The following SPATS2L variants were observed in gnomAD, a reference collection of about 807,000 sequenced individuals.
SPATS2L encodes the protein SPATS2-like protein.
SPATS2L carries 30 observed loss-of-function variants against 59.6 expected under a neutral mutation model. That is an observed-to-expected ratio of 0.50 (90% CI 0.38 to 0.68). SPATS2L has a LOEUF of 0.68. Among genes scored for constraint, SPATS2L ranks in the 30% least tolerant of loss-of-function variants. SPATS2L has a pLI of 0.00. For synonymous variants in SPATS2L, 252 were observed against 263.5 expected, an observed-to-expected ratio of 0.96 and a Z score of 0.42; for missense variants, 615 against 700.0, an observed-to-expected ratio of 0.88 and a Z score of 1.37.
At position 200,361,593 on chromosome 2, in the gene SPATS2L, T is replaced by C. The variant is rs77397280; in HGVS notation, c.-22-27630T>C. 4.0e-3 allele frequency among the ~76,000 whole-genome samples: 603 copies of C among 152,344 alleles called. 7 individuals are homozygous for C. The East Asian group carries it at 0.049, about 12-fold the overall frequency. On this transcript the variant is annotated intron_variant, in intron 2 of 12. Transcript: ENST00000409140. ...GCAGTTTAAAATGGTCTTCTTTCCA[T>C]TGTAGAAGGCTCAGTTCATTGCCAT...
At chr2:200,470,073 A>T in intron 11 of SPATS2L, 57 bp downstream of exon 11, 1 of 1,421,244 alleles carries the variant, frequency 7.0e-7, no homozygotes, top group South Asian at 1.3e-5. Context: ...TGCTATTTGG[A>T]GTTGCTATTG....
intron 4 of SPATS2L, among the ~76,000 whole-genome samples, chr2:200,413,918 G>C (rs1300012470): frequency 6.6e-6 from 1 of 152,182 alleles, no homozygotes; most frequent in Non-Finnish European, 1.5e-5. Flanking sequence ...AAATAGTAGA[G>C]AATGCAGTAT....
intron 1 of SPATS2L, among the ~76,000 whole-genome samples, chr2:200,327,336 G>A (rs546141200): frequency 3.0e-4 from 46 of 151,988 alleles, no homozygotes; most frequent in African/African-American, 1.1e-3. Flanking sequence ...CCTGGGAGGC[G>A]GAGGTTGCAG....
At chr2:200,454,201 T>C (rs2085671243) in intron 8 of SPATS2L, among the ~76,000 whole-genome samples, 1 of 152,230 alleles carries the variant, frequency 6.6e-6, no homozygotes, top group South Asian at 2.1e-4. Context: ...ACTCTGGCTG[T>C]TGTTACAGAT....
chr2:200,388,433 G>T (rs975010160), intron 2 of SPATS2L, among the ~76,000 whole-genome samples: 4 of 152,014 alleles, frequency 2.6e-5, no homozygotes, highest in Non-Finnish European at 4.4e-5. Flanking sequence ...TTAGCTGAGT[G>T]TGGTGGTGCA....
chr2:200,479,661 C>G lies in SPATS2L; in HGVS notation c.*1630C>G. The G allele has an allele frequency of 2.5e-6, 1 of 398,656 alleles. No homozygotes were observed. The highest frequency in any genetic ancestry group is 4.4e-5 in the Admixed American group (1 of 22,740). The allele number at this position is 398,656 out of a possible 1,614,324, so 24.7% of individuals were successfully genotyped here. ...TTGGGTGCCGCTTCCGTTGCACTCA[C>G]ATGTCCTACATATCTGTTGACTACT... On this transcript the variant is annotated 3_prime_UTR_variant, in exon 13 of 13. Coordinates refer to ENST00000409140, the MANE Select transcript of SPATS2L (RefSeq NM_001100423.2).
At chr2:200,443,472 T>G (rs2084831254) in intron 8 of SPATS2L, among the ~76,000 whole-genome samples, 1 of 152,162 alleles carries the variant, frequency 6.6e-6, no homozygotes, top group Non-Finnish European at 1.5e-5. Context: ...GGACATGGGA[T>G]AAGTCCTGTG....
chr2:200,371,826 G>T (rs1222171915), intron 2 of SPATS2L, among the ~76,000 whole-genome samples: 2 of 152,202 alleles, frequency 1.3e-5, no homozygotes, highest in Non-Finnish European at 2.9e-5. Context: ...TCTCATGAAG[G>T]TTGGGTTGAG....
intron 2 of SPATS2L, among the ~76,000 whole-genome samples, chr2:200,361,101 C>T (rs1207831625): frequency 7.0e-6 from 1 of 143,176 alleles, no homozygotes; most frequent in Non-Finnish European, 1.5e-5. Flanking sequence ...ACACACATCC[C>T]TACACAGATA....
chr2:200,333,467 C>T (rs767393697), intron 2 of SPATS2L, among the ~76,000 whole-genome samples: 1 of 151,052 alleles, frequency 6.6e-6, no homozygotes, highest in Non-Finnish European at 1.5e-5. Context: ...GTTTGGGGTA[C>T]AAGGGTTTTT....
intron 1 of SPATS2L, among the ~76,000 whole-genome samples, chr2:200,328,565 G>T (rs1465993752): frequency 6.6e-6 from 1 of 152,160 alleles, no homozygotes; most frequent in Non-Finnish European, 1.5e-5. Context: ...AGCATCTCGT[G>T]TCCTGAGGCC....
intron 4 of SPATS2L, among the ~76,000 whole-genome samples, chr2:200,415,594 T>C (rs1018404845): frequency 3.9e-5 from 6 of 152,304 alleles, no homozygotes; most frequent in Admixed American, 6.5e-5. Flanking sequence ...GAATGAACTT[T>C]GTTAGACTAT....
intron 3 of SPATS2L, among the ~76,000 whole-genome samples, chr2:200,396,033 A>AAAAT (rs1553520464): frequency 1.2e-3 from 25 of 21,138 alleles, no homozygotes; most frequent in East Asian, 2.0e-3. Context: ...AAAAAAAAAA[A>AAAAT]ATATATATAT....
intron 5 of SPATS2L, 151 bp from the exon 6 acceptor site, chr2:200,419,099 T>G: frequency 1.5e-6 from 1 of 677,016 alleles, no homozygotes; most frequent in Non-Finnish European, 2.4e-6. Flanking sequence ...TTAACTTGGG[T>G]GGTTAATAAA....
chr2:200,309,015 G>GA lies in SPATS2L; in HGVS notation c.-73+2097dup, dbSNP rs1381617453. 8.4e-6 allele frequency: 6 copies of GA among 717,532 alleles called. No homozygotes were observed. The South Asian group carries it at 8.9e-5, about 11-fold the overall frequency. 44.4% of individuals were successfully genotyped at this position (717,532 alleles called of 1,614,324 possible). On this transcript the variant is annotated intron_variant, in intron 1 of 12. Coordinates refer to ENST00000409140, the MANE Select transcript of SPATS2L (RefSeq NM_001100423.2). Reference sequence around the variant, plus strand: ...GCCACACCAGTAAGGATCAGGGAAAGAAAATACTTAGGCCACACCGTTGCA... The same window carrying GA: ...GCCACACCAGTAAGGATCAGGGAAAGAAAAATACTTAGGCCACACCGTTGCA...
chr2:200,357,664 T>C (rs1161730774), intron 2 of SPATS2L, among the ~76,000 whole-genome samples: 2 of 152,200 alleles, frequency 1.3e-5, no homozygotes, highest in Admixed American at 6.5e-5. Context: ...TTGTTTTTTA[T>C]GTAACAAGAA....
At chr2:200,389,616 T>C (rs945719690) in intron 3 of SPATS2L, 20 of 240,996 alleles carry the variant, frequency 8.3e-5, no homozygotes, top group Non-Finnish European at 1.4e-4. Flanking sequence ...GAGCTGGGAT[T>C]TGAACCCATG....
chr2:200,306,084 G>T, upstream of SPATS2L: 2 of 985,622 alleles, frequency 2.0e-6, no homozygotes, highest in Non-Finnish European at 2.4e-6. Flanking sequence ...CAGAGGAGGC[G>T]GCGGAACACC....
At chr2:200,372,012 C>T in intron 2 of SPATS2L, 1 of 985,210 alleles carries the variant, frequency 1.0e-6, no homozygotes, top group Non-Finnish European at 1.2e-6. Flanking sequence ...CCATCTCAGA[C>T]TCCCAGGCAT....
Sources: allele counts gnomAD v4.1 joint callset (sites outside exome capture counted in the v4.1 genomes callset), GRCh38; gene constraint gnomAD v4.1.1; transcripts MANE v1.5; gene names NCBI Gene and HGNC (gene_info 2026-07-23, HGNC 2026-07-21).